Variants in STK32B observed in about 807,000 individuals in gnomAD.
STK32B encodes serine/threonine kinase 32B, also known as serine/threonine-protein kinase 32B.
A neutral mutation model predicts 52.6 loss-of-function variants in STK32B; 43 were observed. That is an observed-to-expected ratio of 0.82 (90% CI 0.64 to 1.05). The LOEUF (loss-of-function observed/expected upper bound fraction) is 1.05, where lower values mean the gene tolerates loss of function less well. Ranked by LOEUF, STK32B falls within the 50% of genes least tolerant of loss-of-function variation. The probability of loss-of-function intolerance (pLI) is 0.00; values close to 1 mark genes in which losing one functional copy is unlikely to be tolerated. For missense variants in STK32B, 621 were observed against 534.6 expected (o/e 1.16, Z -1.59); for synonymous variants, 238 against 204.3 (o/e 1.17, Z -1.41).
At chr4:5,197,763 A>G (rs1721802973) in intron 3 of STK32B, among the ~76,000 whole-genome samples, 1 of 152,168 alleles carries the variant, frequency 6.6e-6, no homozygotes, top group Non-Finnish European at 1.5e-5. Flanking sequence ...AGAGATTTTT[A>G]TCTTTGGAAG....
chr4:5,263,044 G>T (rs1310548379), intron 3 of STK32B, among the ~76,000 whole-genome samples: 1 of 150,590 alleles, frequency 6.6e-6, no homozygotes, highest in Non-Finnish European at 1.5e-5. Context: ...TCATACCTCT[G>T]TTTAGCATCT....
At chr4:5,040,639 T>C in the STK32B span, among the ~76,000 whole-genome samples, 11 of 152,256 alleles carry the variant, frequency 7.2e-5, no homozygotes, top group African/African-American at 2.6e-4. Flanking sequence ...TAATCTGCCC[T>C]CCTTGGCCTC....
At chr4:5,358,699 A>AC (rs760924835) in intron 4 of STK32B, among the ~76,000 whole-genome samples, 17 of 95,252 alleles carry the variant, frequency 1.8e-4, no homozygotes, top group African/African-American at 8.7e-4. Flanking sequence ...ATTCACACAC[A>AC]TGCACACACA....
intron 4 of STK32B, among the ~76,000 whole-genome samples, chr4:5,364,711 G>C (rs1471563107): frequency 4.6e-5 from 7 of 152,020 alleles, no homozygotes. Context: ...ATCCCCAAAG[G>C]AGCTAGAAGA....
At chr4:5,086,971 T>G (rs1295973065) in intron 1 of STK32B, among the ~76,000 whole-genome samples, 1 of 152,242 alleles carries the variant, frequency 6.6e-6, no homozygotes, top group African/African-American at 2.4e-5. Context: ...AAGGATAGTA[T>G]AGAGTAACTC....
chr4:5,138,842 G>A (rs1456054919), intron 1 of STK32B, among the ~76,000 whole-genome samples: 1 of 152,222 alleles, frequency 6.6e-6, no homozygotes, highest in Non-Finnish European at 1.5e-5. Context: ...CAAGGCCTGG[G>A]AGTAGCTGCT....
the STK32B span, among the ~76,000 whole-genome samples, chr4:5,037,591 G>A: frequency 6.6e-6 from 1 of 152,158 alleles, no homozygotes; most frequent in Non-Finnish European, 1.5e-5. Context: ...AAAGGAAGTG[G>A]ATTTGGACTG....
intron 4 of STK32B, among the ~76,000 whole-genome samples, chr4:5,353,761 A>G (rs147066954): frequency 2.6e-3 from 393 of 152,282 alleles, no homozygotes; most frequent in African/African-American, 8.3e-3. Flanking sequence ...TGAGGATGTA[A>G]AGAAAAGAGA....
intron 3 of STK32B, among the ~76,000 whole-genome samples, chr4:5,187,069 G>T (rs1337092341): frequency 6.6e-6 from 1 of 152,196 alleles, no homozygotes; most frequent in Admixed American, 6.5e-5. Context: ...TGGGCTTGGG[G>T]GATTGGCTGT....
In STK32B at chr4:5,121,073, C is replaced by A. The variant is rs1412458884; in HGVS notation, c.53-18832C>A. On this transcript the variant is annotated intron_variant, in intron 1 of 11. Coordinates refer to ENST00000282908, the MANE Select transcript of STK32B (RefSeq NM_018401.3). The stretch of plus-strand genomic sequence containing the variant: ...TCTAGTCATTTACCCAATATCTAGT[C>A]TTTTATCCCTCCCCACTTCCAACCT... Among the ~76,000 whole-genome samples, 3 of 152,106 alleles carry A rather than the reference C, an allele frequency of 2.0e-5. 1 individual carries two copies. The highest frequency in any genetic ancestry group is 2.0e-4 in the Admixed American group (3 of 15,274).
In STK32B at chr4:5,256,998, TGTGA is replaced by T. The variant is rs1434386916; in HGVS notation, c.261-74214_261-74211del. On this transcript the variant is annotated intron_variant, in intron 3 of 11. Coordinates refer to ENST00000282908, the MANE Select transcript of STK32B (RefSeq NM_018401.3). ...GAATAAGTGGGTGAGGGGATGAATA[TGTGA>T]GTGAGTGGATGAATAAGTGAATGAG... 3.9e-5 allele frequency among the ~76,000 whole-genome samples: 6 copies of T among 152,010 alleles called. No individual in the cohort carries two copies. In the East Asian group the frequency reaches 1.2e-3, roughly 29 times the overall value.
the STK32B span, among the ~76,000 whole-genome samples, chr4:5,031,789 T>G: frequency 3.9e-5 from 6 of 152,252 alleles, no homozygotes; most frequent in African/African-American, 1.4e-4. Context: ...AAGAAGGTGC[T>G]TGACACCACG....
At position 5,195,741 on chromosome 4, in the gene STK32B, G is replaced by A. The variant is rs2887494; in HGVS notation, c.260+27291G>A. Among the ~76,000 whole-genome samples, 1,004 of 152,250 alleles carry A rather than the reference G, an allele frequency of 6.6e-3. 13 individuals carry two copies. The highest frequency in any genetic ancestry group is 0.023 in the African/African-American group (937 of 41,538). Reference sequence around the variant, plus strand: ...GTGTTCTAGATGATAATTCTGTGACGTCCTGGAAAAGAAAGTTGGGAAGGC... The same window carrying A: ...GTGTTCTAGATGATAATTCTGTGACATCCTGGAAAAGAAAGTTGGGAAGGC... On this transcript the variant is annotated intron_variant, in intron 3 of 11. Transcript: ENST00000282908.
At chr4:5,179,478 A>G (rs1720188075) in intron 3 of STK32B, among the ~76,000 whole-genome samples, 1 of 151,576 alleles carries the variant, frequency 6.6e-6, no homozygotes, top group African/African-American at 2.4e-5. Context: ...CATAGATGAT[A>G]AATACATAGA....
At position 5,453,131 on chromosome 4, in the gene STK32B, C is replaced by T. The variant is rs937352664; in HGVS notation, c.667-3676C>T. On this transcript the variant is annotated intron_variant, in intron 7 of 11. Transcript: ENST00000282908. This position sits in a 1 kb window ranked among gnomAD's most constrained non-coding sequence, Gnocchi z 4.0. ...CTCATTTCTAAATGTATTTCCTGCA[C>T]TGGCTTCCTAGTGCATTGGAGTTAT... Among the ~76,000 whole-genome samples, 1 of 152,078 alleles carries T rather than the reference C, an allele frequency of 6.6e-6. No homozygotes were observed. Among genetic ancestry groups the T allele is most frequent in the African/African-American group, 2.4e-5 (1 of 41,392 alleles).
chr4:5,292,470 T>C (rs1728949891), intron 3 of STK32B, among the ~76,000 whole-genome samples: 2 of 152,054 alleles, frequency 1.3e-5, no homozygotes, highest in Admixed American at 1.3e-4. Flanking sequence ...CATTTCCTTT[T>C]CCCACTTTTT....
chr4:5,127,082 T>G (rs1276612535), intron 1 of STK32B: 1 of 509,758 alleles, frequency 2.0e-6, no homozygotes, highest in East Asian at 5.5e-5. Context: ...CCTAAGTGCT[T>G]TATTCATGAG....
chr4:5,132,613 T>C (rs368473672), intron 1 of STK32B, among the ~76,000 whole-genome samples: 6 of 151,976 alleles, frequency 3.9e-5, no homozygotes, highest in East Asian at 1.9e-4. Context: ...AGCAGACAGA[T>C]TTTCCCCAAG....
At chr4:5,466,958 C>T (rs1717488481) in intron 10 of STK32B, 124 bp downstream of exon 10, 2 of 1,297,130 alleles carry the variant, frequency 1.5e-6, no homozygotes, top group African/African-American at 3.0e-5. Context: ...CCTTATTTTG[C>T]AGTAAATAAA....
Sources: allele counts gnomAD v4.1 joint callset (sites outside exome capture counted in the v4.1 genomes callset), GRCh38; gene constraint gnomAD v4.1.1; non-coding constraint Gnocchi (gnomAD v3.1); transcripts MANE v1.5; gene names NCBI Gene and HGNC (gene_info 2026-07-23, HGNC 2026-07-21).